Variants in SHISA5 observed in about 807,000 individuals in gnomAD.
The protein encoded by SHISA5 is shisa family member 5, also known as protein shisa-5.
SHISA5 carries 21 observed loss-of-function variants against 27.5 expected under a neutral mutation model. The ratio of observed to expected loss-of-function variants is 0.76; its 90% confidence interval spans 0.54 to 1.10. The LOEUF is 1.10. SHISA5 is among the 50% of genes least tolerant of loss of function. The probability of loss-of-function intolerance (pLI) is 0.00; values close to 1 mark genes in which losing one functional copy is unlikely to be tolerated. For synonymous variants in SHISA5, 137 were observed against 142.2 expected (o/e 0.96, Z 0.26); for missense variants, 314 against 336.3 (o/e 0.93, Z 0.52).
intron 2 of SHISA5, among the ~76,000 whole-genome samples, chr3:48,492,009 T>A (rs1255230353): frequency 6.6e-6 from 1 of 151,432 alleles, no homozygotes; most frequent in Non-Finnish European, 1.5e-5. Flanking sequence ...CTGATTTTGA[T>A]AATATGTGAA....
At position 48,469,059 on chromosome 3, in the gene SHISA5, G is replaced by T. The variant is rs770011200; in HGVS notation, c.*48C>A. 8 of 1,610,578 alleles carry T rather than the reference G, an allele frequency of 5.0e-6. No individual in the cohort carries two copies. The East Asian group carries it at 1.6e-4, about 31-fold the overall frequency. ...GGAACCGCGCCTGCACACCACTCAC[G>T]CACACACACAACATAACCAAGTGGC... On this transcript the variant is annotated 3_prime_UTR_variant, in exon 6 of 6. Coordinates refer to ENST00000296444, the MANE Select transcript of SHISA5 (RefSeq NM_016479.6). This position sits in a 1 kb window ranked among gnomAD's most constrained non-coding sequence, Gnocchi z 4.6.
Position 48,501,172 on chromosome 3 carries a change from C to T in SHISA5, c.198G>A (p.Val66=). The T allele has an allele frequency of 1.2e-6, 2 of 1,614,016 alleles. No individual in the cohort carries two copies. Among genetic ancestry groups the T allele is most frequent in the Non-Finnish European group, 1.7e-6 (2 of 1,179,912 alleles). ...GCACAGCACACCTTTCCTCGCTCCA[C>T]ACAAATTTCTTCAGCACGTCAGAGC... The part of the protein sequence containing the change: ...YCCSDVLKKF[V]WSEERCAVPE... The change falls in exon 2 of 6, where the codon GTG becomes GTA. Residue 66 remains valine, a synonymous_variant. Transcript: ENST00000296444.
chr3:48,484,950 T>C (rs986662058), intron 2 of SHISA5, among the ~76,000 whole-genome samples: 4 of 151,950 alleles, frequency 2.6e-5, no homozygotes, highest in Non-Finnish European at 5.9e-5. Context: ...ATGTAGTACT[T>C]TGGGAGGCCG....
chr3:48,504,143 C>T lies in SHISA5; in HGVS notation c.-49G>A. Reference sequence around the variant, plus strand: ...CGGACGCGAGCGCCGGGCGCAGTGCCGCCACAGCCTCAGTGATCCGCGCGG... The same window carrying T: ...CGGACGCGAGCGCCGGGCGCAGTGCTGCCACAGCCTCAGTGATCCGCGCGG... On this transcript the variant is annotated 5_prime_UTR_variant, in exon 1 of 6. Transcript: ENST00000296444. The surrounding 1 kb of genome is among the most constrained non-coding windows in gnomAD (Gnocchi z 4.0). The T allele has an allele frequency of 2.1e-6, 2 of 955,974 alleles. No homozygotes were observed. Among genetic ancestry groups the T allele is most frequent in the Non-Finnish European group, 2.8e-6 (2 of 715,702 alleles). 59.2% of individuals were successfully genotyped at this position (955,974 alleles called of 1,614,324 possible).
At chr3:48,481,834 G>A (rs865818064) in intron 2 of SHISA5, among the ~76,000 whole-genome samples, 3 of 151,800 alleles carry the variant, frequency 2.0e-5, no homozygotes, top group Admixed American at 6.6e-5. Flanking sequence ...TTGGGAGGCC[G>A]AGGCGGGTGG....
chr3:48,468,518 C>T lies in SHISA5; in HGVS notation c.*589G>A. ...GCTGCCTGATCCCCAACAGGCATGACAGGCTCCAGGGAGCAATGGGACATC... is the reference window on the plus strand; with the variant it reads ...GCTGCCTGATCCCCAACAGGCATGATAGGCTCCAGGGAGCAATGGGACATC... On this transcript the variant is annotated 3_prime_UTR_variant, in exon 6 of 6. Coordinates refer to ENST00000296444, the MANE Select transcript of SHISA5 (RefSeq NM_016479.6). 8.4e-7 allele frequency: 1 copy of T among 1,185,354 alleles called. No homozygotes were observed. Among genetic ancestry groups the T allele is most frequent in the Non-Finnish European group, 1.1e-6 (1 of 941,288 alleles). The allele number at this position is 1,185,354 out of a possible 1,614,324, so 73.4% of individuals were successfully genotyped here. A position where few individuals can be genotyped will look rare whatever the true frequency, so the allele number is the denominator to read the frequency against.
chr3:48,501,064 ATC>A, intron 2 of SHISA5, 71 bp downstream of exon 2: 1 of 1,447,218 alleles, frequency 6.9e-7, no homozygotes, highest in Non-Finnish European at 9.4e-7. Flanking sequence ...GGGCAGAGCT[ATC>A]TCTCTTCCAC....
chr3:48,496,682 C>T (rs1203546886), intron 2 of SHISA5, among the ~76,000 whole-genome samples: 1 of 150,590 alleles, frequency 6.6e-6, no homozygotes, highest in Non-Finnish European at 1.5e-5. Context: ...TGCAGTAAGC[C>T]GTGATCACGC....
intron 2 of SHISA5, among the ~76,000 whole-genome samples, chr3:48,500,212 C>T (rs926414697): frequency 6.6e-6 from 1 of 152,212 alleles, no homozygotes; most frequent in African/African-American, 2.4e-5. Flanking sequence ...AGGTCTTACA[C>T]TACACCGACT....
At chr3:48,495,608 G>A (rs2041528447) in intron 2 of SHISA5, among the ~76,000 whole-genome samples, 11 of 146,462 alleles carry the variant, frequency 7.5e-5, no homozygotes, top group South Asian at 2.1e-4. Flanking sequence ...TGCAACCTCC[G>A]CCTCCTGGGT....
chr3:48,480,683 C>T (rs2040980096), intron 2 of SHISA5, among the ~76,000 whole-genome samples: 1 of 151,976 alleles, frequency 6.6e-6, no homozygotes, highest in Non-Finnish European at 1.5e-5. Context: ...CGCTTGAACC[C>T]AGGAGGCGGA....
chr3:48,481,794 G>A (rs2041027879), intron 2 of SHISA5, among the ~76,000 whole-genome samples: 1 of 145,244 alleles, frequency 6.9e-6, no homozygotes, highest in African/African-American at 2.6e-5. Flanking sequence ...TCGGCCGGGT[G>A]CAGTGGCTCA....
intron 2 of SHISA5, among the ~76,000 whole-genome samples, chr3:48,497,032 C>G (rs929503210): frequency 1.3e-5 from 2 of 151,618 alleles, no homozygotes; most frequent in African/African-American, 2.4e-5. Flanking sequence ...GAGTTTGAGA[C>G]CAGCCTGGGT....
In SHISA5 at chr3:48,504,031, G is replaced by A; in HGVS notation, c.64C>T (p.Pro22Ser). ...LPLLLLLLLTPPPGARGEVCM... is the reference protein window; with the variant it reads ...LPLLLLLLLTSPPGARGEVCM... Reference sequence around the variant, plus strand: ...ACCCCCGGCTCACCACCCGGAGGCGGCGTTAGCAGCAGCAGCAACAGCAAC... The same window carrying A: ...ACCCCCGGCTCACCACCCGGAGGCGACGTTAGCAGCAGCAGCAACAGCAAC... The change falls in exon 1 of 6, where the codon CCG becomes TCG. Residue 22 changes from proline to serine, a missense_variant. Transcript: ENST00000296444. This position sits in a 1 kb window ranked among gnomAD's most constrained non-coding sequence, Gnocchi z 4.0. 1.4e-6 allele frequency: 2 copies of A among 1,468,176 alleles called. No individual in the cohort carries two copies. The highest frequency in any genetic ancestry group is 1.8e-6 in the Non-Finnish European group (2 of 1,106,592). 90.9% of individuals were successfully genotyped at this position (1,468,176 alleles called of 1,614,324 possible).
intron 2 of SHISA5, among the ~76,000 whole-genome samples, chr3:48,483,775 A>T (rs1350654619): frequency 6.4e-5 from 2 of 31,122 alleles, no homozygotes; most frequent in Admixed American, 3.4e-4. Context: ...GGCTGACCCC[A>T]CCACCTCCCT....
Position 48,481,441 on chromosome 3 carries a change from AAAAATAAAAT to A in SHISA5, c.234-2194_234-2185del, listed in dbSNP as rs58732653. Among the ~76,000 whole-genome samples the A allele has an allele frequency of 1.9e-3, 268 of 144,276 alleles. 2 individuals are homozygous for A. The highest frequency in any genetic ancestry group is 2.2e-3 in the Non-Finnish European group (150 of 67,220). The allele number at this position is 144,276 out of a possible 152,430, so 94.7% of individuals were successfully genotyped here. On this transcript the variant is annotated intron_variant, in intron 2 of 5. Transcript: ENST00000296444. The stretch of plus-strand genomic sequence containing the variant: ...GCAATGGACCGAGACTCTGTCTCAA[AAAAATAAAAT>A]AAAATAAAATAAAATAAAATAAACT...
At position 48,470,583 on chromosome 3, in the gene SHISA5, C is replaced by T. The variant is rs2040572318; in HGVS notation, c.315-740G>A. On this transcript the variant is annotated intron_variant, in intron 3 of 5. Coordinates refer to ENST00000296444, the MANE Select transcript of SHISA5 (RefSeq NM_016479.6). This position sits in a 1 kb window ranked among gnomAD's most constrained non-coding sequence, Gnocchi z 4.3. ...ACACAGAGGCCTGGAGGCAGGAGGC[C>T]AGAGGGCCTGCCCTTTGAGAAAGCA... 6.6e-6 allele frequency among the ~76,000 whole-genome samples: 1 copy of T among 152,190 alleles called. No homozygotes were observed. Among genetic ancestry groups the T allele is most frequent in the African/African-American group, 2.4e-5 (1 of 41,452 alleles).
At position 48,468,669 on chromosome 3, in the gene SHISA5, T is replaced by A; in HGVS notation, c.*438A>T. ...GGCCTCAAGCAGCAGCTGGCTACGC[T>A]GCCGAAACCAGGACACATCTGCATC... On this transcript the variant is annotated 3_prime_UTR_variant, in exon 6 of 6. Coordinates refer to ENST00000296444, the MANE Select transcript of SHISA5 (RefSeq NM_016479.6). 1 of 1,215,560 alleles carries A rather than the reference T, an allele frequency of 8.2e-7. No homozygotes were observed. The highest frequency in any genetic ancestry group is 1.0e-6 in the Non-Finnish European group (1 of 955,260). The allele number at this position is 1,215,560 out of a possible 1,614,324, so 75.3% of individuals were successfully genotyped here.
In SHISA5 at chr3:48,503,992, G is replaced by A. The variant is rs753623076; in HGVS notation, c.76+27C>T. The A allele has an allele frequency of 6.2e-6, 9 of 1,458,488 alleles. No homozygotes were observed. The African/African-American group carries it at 1.2e-4, about 19-fold the overall frequency. The allele number at this position is 1,458,488 out of a possible 1,614,324, so 90.3% of individuals were successfully genotyped here. Reference sequence around the variant, plus strand: ...AAGTGTCTGCCCGGTCCCAGGGCAGGACGGGCCGCCCCCACCCCCGGCTCA... The same window carrying A: ...AAGTGTCTGCCCGGTCCCAGGGCAGAACGGGCCGCCCCCACCCCCGGCTCA... On this transcript the variant is annotated intron_variant, in intron 1 of 5. Coordinates refer to ENST00000296444, the MANE Select transcript of SHISA5 (RefSeq NM_016479.6).
Sources: gnomAD v4.1 joint callset for allele counts (sites outside exome capture counted in the v4.1 genomes callset) on GRCh38, gnomAD v4.1.1 for gene constraint, Gnocchi (gnomAD v3.1) non-coding constraint, MANE v1.5 for transcripts, NCBI Gene and HGNC (gene_info 2026-07-23, HGNC 2026-07-21) for gene names.